ADAMTSL1: variants seen among roughly 807,000 people sequenced by gnomAD.
ADAMTSL1 encodes ADAMTS like 1.
In ADAMTSL1, 126 loss-of-function variants were observed where a neutral mutation model predicts 201.8. The ratio of observed to expected loss-of-function variants is 0.62; its 90% CI spans 0.54 to 0.72. The LOEUF (loss-of-function observed/expected upper bound fraction) is 0.72. Among genes scored for constraint, ADAMTSL1 ranks in the 30% least tolerant of loss-of-function variants. The pLI, the probability that ADAMTSL1 is intolerant of heterozygous loss-of-function variation, is 0.00. For missense variants in ADAMTSL1, 2,679 were observed against 2,277.8 expected (o/e 1.18, Z -3.59); for synonymous variants, 1,121 against 903.4 (o/e 1.24, Z -4.32).
chr9:18,007,790 T>TA (rs528722101), intron 1 of ADAMTSL1, among the ~76,000 whole-genome samples: 5 of 150,492 alleles, frequency 3.3e-5, no homozygotes, highest in East Asian at 2.0e-4. Context: ...CCAAAAGAAT[T>TA]AAAAAAAAAA....
chr9:18,407,640 A>C (rs1483823752), intron 2 of ADAMTSL1, among the ~76,000 whole-genome samples: 1 of 152,224 alleles, frequency 6.6e-6, no homozygotes, highest in East Asian at 1.9e-4. Flanking sequence ...AGATCAAGCA[A>C]GGTATCTACT....
At chr9:17,984,191 A>G (rs555445512) in intron 1 of ADAMTSL1, among the ~76,000 whole-genome samples, 8 of 152,244 alleles carry the variant, frequency 5.3e-5, no homozygotes, top group Non-Finnish European at 1.0e-4. Context: ...TCAAAATTAA[A>G]ATAGAATTTT....
intron 1 of ADAMTSL1, among the ~76,000 whole-genome samples, chr9:18,035,585 C>T (rs539423493): frequency 2.0e-5 from 3 of 152,226 alleles, no homozygotes; most frequent in South Asian, 2.1e-4. Context: ...ATGAGGCCTG[C>T]CTTAATGACA....
At chr9:17,912,820 G>T (rs1825937746) in intron 1 of ADAMTSL1, among the ~76,000 whole-genome samples, 1 of 141,990 alleles carries the variant, frequency 7.0e-6, no homozygotes, top group African/African-American at 2.5e-5. Context: ...ATGGTTTTAG[G>T]TCTAACGTTT....
At chr9:18,781,355 C>G (rs1019855688) in intron 19 of ADAMTSL1, among the ~76,000 whole-genome samples, 1 of 152,168 alleles carries the variant, frequency 6.6e-6, no homozygotes, top group Non-Finnish European at 1.5e-5. Context: ...CTTGACTAAG[C>G]TTTTCAATGC....
intron 2 of ADAMTSL1, among the ~76,000 whole-genome samples, chr9:18,279,707 C>A (rs929154711): frequency 2.6e-5 from 4 of 151,482 alleles, no homozygotes; most frequent in African/African-American, 9.7e-5. Context: ...TATGCAGTTC[C>A]ATCTACACAG....
In ADAMTSL1 at chr9:18,777,372, C is replaced by A. The variant is rs563494496; in HGVS notation, c.3143C>A (p.Ala1048Glu). ...GCCTCGTGGGAGGCGCAGGACTCTG[C>A]GGAAAGGAACACGACCTCGGAGGAG... ...LLASWEAQDS[A>E]ERNTTSEEDP... Residue 1048 changes from alanine (A) to glutamate (E), a missense_variant, in exon 19 of 29, where the codon GCG (alanine) becomes GAG (glutamate). Transcript: ENST00000380548. 6.2e-7 allele frequency: 1 copy of A among 1,601,894 alleles called. No individual in the cohort carries two copies. Among genetic ancestry groups the A allele is most frequent in the Admixed American group, 1.7e-5 (1 of 58,446 alleles).
chr9:18,022,765 T>C (rs1437759788), intron 1 of ADAMTSL1, among the ~76,000 whole-genome samples: 3 of 152,194 alleles, frequency 2.0e-5, no homozygotes, highest in African/African-American at 4.8e-5. Flanking sequence ...TTCTTTCCTA[T>C]TGTGAACATG....
At chr9:18,533,161 AT>A (rs1320451016) in intron 2 of ADAMTSL1, 85 bp from the exon 3 acceptor site, 2 of 1,192,374 alleles carry the variant, frequency 1.7e-6, no homozygotes, top group Non-Finnish European at 2.4e-6. Flanking sequence ...TTTTACTAGT[AT>A]TTAGAGCAAA....
At chr9:18,054,975 C>G (rs552281486) in intron 1 of ADAMTSL1, among the ~76,000 whole-genome samples, 1 of 152,304 alleles carries the variant, frequency 6.6e-6, no homozygotes, top group African/African-American at 2.4e-5. Context: ...AGGGCATGCT[C>G]CCTTCCCCAG....
At chr9:18,639,036 G>A (rs1371836086) in intron 6 of ADAMTSL1, among the ~76,000 whole-genome samples, 1 of 152,096 alleles carries the variant, frequency 6.6e-6, no homozygotes, top group Non-Finnish European at 1.5e-5. Flanking sequence ...TTGAATGCCT[G>A]GCTAATGACT....
At chr9:17,979,011 G>T (rs1302735736) in intron 1 of ADAMTSL1, among the ~76,000 whole-genome samples, 1 of 151,474 alleles carries the variant, frequency 6.6e-6, no homozygotes, top group Non-Finnish European at 1.5e-5. Flanking sequence ...CTGTCTCCTG[G>T]CCTGCAAATT....
intron 4 of ADAMTSL1, among the ~76,000 whole-genome samples, chr9:18,583,837 G>C (rs1279087539): frequency 6.6e-6 from 1 of 152,200 alleles, no homozygotes; most frequent in African/African-American, 2.4e-5. Flanking sequence ...GACTTGAGTA[G>C]GGCCTGTAGT....
intron 1 of ADAMTSL1, among the ~76,000 whole-genome samples, chr9:18,081,086 A>G (rs1199338774): frequency 6.6e-6 from 1 of 152,198 alleles, no homozygotes; most frequent in African/African-American, 2.4e-5. Flanking sequence ...TTCTTCTGGA[A>G]AAAAAGAAAA....
Position 17,940,802 on chromosome 9 carries a change from A to ATCC in ADAMTSL1, c.87+33880_87+33881insTCC, listed in dbSNP as rs796516368. On this transcript the variant is annotated intron_variant, in intron 1 of 29. Transcript: ENST00000680146. Reference sequence around the variant, plus strand: ...AAACTTAAAAATAAAAGTAAATAACACCCCCCCCCCAAAAAAAAGAAAGAA... The same window carrying ATCC: ...AAACTTAAAAATAAAAGTAAATAACATCCCCCCCCCCCCAAAAAAAAGAAAGAA... Among the ~76,000 whole-genome samples the ATCC allele has an allele frequency of 1.6e-4, 8 of 50,792 alleles. 1 individual carries two copies. The highest frequency in any genetic ancestry group is 7.0e-5 in the Non-Finnish European group (2 of 28,606). 33.3% of individuals were successfully genotyped at this position (50,792 alleles called of 152,430 possible).
chr9:18,847,715 C>A (rs1304014419), intron 23 of ADAMTSL1, among the ~76,000 whole-genome samples: 3 of 152,140 alleles, frequency 2.0e-5, no homozygotes, highest in Non-Finnish European at 4.4e-5. Context: ...GTTCCGCCTG[C>A]ATGAAACGTG....
At position 18,892,519 on chromosome 9, in the gene ADAMTSL1, G is replaced by A; in HGVS notation, c.4774G>A (p.Val1592Ile). The change falls in exon 26 of 29, where the codon GTC becomes ATC. Residue 1592 changes from valine (V) to isoleucine (I), a missense_variant. Physicochemically the swap from Val to Ile is conservative, Grantham distance 29 (BLOSUM62 3). Transcript: ENST00000380548. The part of the protein sequence containing the change: ...TPVSNDMCTQ[V>I]AKRPVDTQAC... ...TGTGTCCAATGACATGTGCACCCAG[G>A]TCGCCAAGCGGCCTGTGGACACCCA... 1 of 1,596,536 alleles carries A rather than the reference G, an allele frequency of 6.3e-7. No homozygotes were observed. Among genetic ancestry groups the A allele is most frequent in the Non-Finnish European group, 8.5e-7 (1 of 1,171,584 alleles).
chr9:17,967,916 A>G (rs539776306), intron 1 of ADAMTSL1, among the ~76,000 whole-genome samples: 41 of 152,180 alleles, frequency 2.7e-4, no homozygotes, highest in African/African-American at 8.9e-4. Context: ...GTATTTGCCA[A>G]TAGACAGGGT....
intron 1 of ADAMTSL1, among the ~76,000 whole-genome samples, chr9:18,070,531 G>C (rs1176470869): frequency 2.0e-5 from 3 of 152,178 alleles, no homozygotes; most frequent in Non-Finnish European, 2.9e-5. Context: ...AGTGGAGGAT[G>C]CAAATTTGAG....
Sources: allele counts gnomAD v4.1 joint callset (sites outside exome capture counted in the v4.1 genomes callset), GRCh38; gene constraint gnomAD v4.1.1; transcripts MANE v1.5; gene names NCBI Gene and HGNC (gene_info 2026-07-23, HGNC 2026-07-21).